The following CHD9 variants were observed in gnomAD, a reference collection of about 807,000 sequenced individuals.
CHD9 encodes the protein chromodomain helicase DNA binding protein 9.
In CHD9, 77 loss-of-function variants were observed where a neutral mutation model predicts 316.1. The ratio of observed to expected loss-of-function variants is 0.24; its 90% CI spans 0.20 to 0.29. The LOEUF is 0.29. CHD9 is among the 10% of genes least tolerant of loss of function. CHD9 has a pLI of 1.00. For missense variants in CHD9, 2,763 were observed against 3,438.1 expected (o/e 0.80, Z 4.91); for synonymous variants, 1,129 against 1,158.3 (o/e 0.97, Z 0.51).
intron 2 of CHD9, among the ~76,000 whole-genome samples, chr16:53,190,906 C>A (rs909038241): frequency 6.6e-6 from 1 of 152,044 alleles, no homozygotes; most frequent in Non-Finnish European, 1.5e-5. Flanking sequence ...AATCCTGTTA[C>A]ATATGTCCAC....
In CHD9 at chr16:53,080,442, G is replaced by A. The variant is rs115882707; in HGVS notation, c.-165+25365G>A. ...AGGAGTGTCACTCTACACCTCCAAG[G>A]GGGAGACAGTGTTTGTCTAAACACA... On this transcript the variant is annotated intron_variant, in intron 1 of 38. Coordinates refer to ENST00000447540, the MANE Select transcript of CHD9 (RefSeq NM_001308319.2). Among the ~76,000 whole-genome samples the A allele has an allele frequency of 6.1e-3, 931 of 152,246 alleles. 12 individuals are homozygous for A. Among genetic ancestry groups the A allele is most frequent in the African/African-American group, 0.021 (872 of 41,550 alleles).
intron 17 of CHD9, among the ~76,000 whole-genome samples, chr16:53,253,072 C>T (rs2152972869): frequency 6.6e-6 from 1 of 152,172 alleles, no homozygotes; most frequent in East Asian, 1.9e-4. Flanking sequence ...GAAAATAAGT[C>T]ATTATTCGAA....
chr16:53,149,793 C>T (rs888753625), intron 1 of CHD9, among the ~76,000 whole-genome samples: 1 of 132,104 alleles, frequency 7.6e-6, no homozygotes, highest in Non-Finnish European at 1.7e-5. Flanking sequence ...CTCCTGGCCT[C>T]AAGCAGTACT....
intron 1 of CHD9, among the ~76,000 whole-genome samples, chr16:53,148,040 C>A (rs893670544): frequency 1.1e-4 from 17 of 151,734 alleles, no homozygotes; most frequent in African/African-American, 3.1e-4. Flanking sequence ...CCTGTGTCTA[C>A]TAAAAATAAA....
intron 1 of CHD9, among the ~76,000 whole-genome samples, chr16:53,112,257 A>G (rs758066933): frequency 6.6e-6 from 1 of 152,202 alleles, no homozygotes; most frequent in Non-Finnish European, 1.5e-5. Flanking sequence ...TGTTGCCCTA[A>G]TCTTAACTGA....
At chr16:53,081,799 G>T (rs1161854351) in intron 1 of CHD9, among the ~76,000 whole-genome samples, 1 of 151,844 alleles carries the variant, frequency 6.6e-6, no homozygotes, top group Non-Finnish European at 1.5e-5. Context: ...TCACTATGTT[G>T]CCCAGGCTGG....
chr16:53,080,269 C>A (rs552977060), intron 1 of CHD9, among the ~76,000 whole-genome samples: 1 of 152,176 alleles, frequency 6.6e-6, no homozygotes, highest in Non-Finnish European at 1.5e-5. Context: ...TTTTATTAAC[C>A]ACTTTTTCTG....
chr16:53,110,565 A>C (rs568943008), intron 1 of CHD9, among the ~76,000 whole-genome samples: 1 of 152,250 alleles, frequency 6.6e-6, no homozygotes, highest in Non-Finnish European at 1.5e-5. Context: ...GTTTGCAACC[A>C]GCCTGGCCAA....
intron 1 of CHD9, among the ~76,000 whole-genome samples, chr16:53,080,225 A>G (rs1056415883): frequency 6.6e-6 from 1 of 152,166 alleles, no homozygotes; most frequent in Non-Finnish European, 1.5e-5. Flanking sequence ...AGATCTTAGG[A>G]GACATATTTT....
intron 8 of CHD9, 49 bp downstream of exon 8, chr16:53,229,149 G>T: frequency 1.1e-6 from 1 of 875,802 alleles, no homozygotes; most frequent in Non-Finnish European, 1.7e-6. Context: ...CTGAATACAT[G>T]TAGCATTATT....
At chr16:53,242,206 C>T (rs912737524) in intron 12 of CHD9, among the ~76,000 whole-genome samples, 1 of 152,182 alleles carries the variant, frequency 6.6e-6, no homozygotes, top group African/African-American at 2.4e-5. Context: ...CACCTCCAAC[C>T]TTATACTTCT....
chr16:53,195,393 T>G (rs1320277479), intron 2 of CHD9, among the ~76,000 whole-genome samples: 2 of 152,336 alleles, frequency 1.3e-5, no homozygotes, highest in Non-Finnish European at 2.9e-5. Context: ...TACCACATAT[T>G]TAGTCTGGCT....
intron 2 of CHD9, among the ~76,000 whole-genome samples, chr16:53,172,283 T>C (rs895154354): frequency 1.3e-5 from 2 of 152,232 alleles, no homozygotes; most frequent in African/African-American, 4.8e-5. Context: ...ATGGATTCAA[T>C]AGTATGTACA....
In CHD9 at chr16:53,274,170, A is replaced by G. The variant is rs752816512; in HGVS notation, c.4878-43A>G. ...ACCCCATGTCCGAATATTTTAAACG[A>G]TGAATGTCTTTATGCCTTTGATTTA... On this transcript the variant is annotated intron_variant, in intron 23 of 38. Coordinates refer to ENST00000447540, the MANE Select transcript of CHD9 (RefSeq NM_001308319.2). 5 of 1,225,300 alleles carry G rather than the reference A, an allele frequency of 4.1e-6. No homozygotes were observed. The East Asian group carries it at 1.2e-4, about 29-fold the overall frequency. The allele number at this position is 1,225,300 out of a possible 1,614,324, so 75.9% of individuals were successfully genotyped here. A position where few individuals can be genotyped will look rare whatever the true frequency, so the allele number is the denominator to read the frequency against.
intron 1 of CHD9, among the ~76,000 whole-genome samples, chr16:53,076,298 G>T (rs2034517825): frequency 6.6e-6 from 1 of 151,974 alleles, no homozygotes; most frequent in African/African-American, 2.4e-5. Context: ...AATTAGGCTG[G>T]GTGTGATGGC....
intron 36 of CHD9, among the ~76,000 whole-genome samples, chr16:53,316,646 T>C (rs2056902931): frequency 6.6e-6 from 1 of 152,180 alleles, no homozygotes; most frequent in Non-Finnish European, 1.5e-5. Flanking sequence ...AAAAATCACC[T>C]TACATTAATG....
At chr16:53,122,097 A>G (rs773401594) in intron 1 of CHD9, 8 of 152,030 alleles carry the variant, frequency 5.3e-5, no homozygotes, top group Non-Finnish European at 1.2e-4. Context: ...GTACTTATTG[A>G]TCAGTGAAAG....
intron 33 of CHD9, among the ~76,000 whole-genome samples, chr16:53,308,476 T>C (rs546079012): frequency 1.3e-5 from 2 of 152,304 alleles, no homozygotes; most frequent in South Asian, 4.1e-4. Flanking sequence ...AGTACTTGTA[T>C]TTTTTTCATT....
chr16:53,099,631 G>A (rs935483310), intron 1 of CHD9, among the ~76,000 whole-genome samples: 4 of 152,106 alleles, frequency 2.6e-5, no homozygotes, highest in Non-Finnish European at 4.4e-5. Flanking sequence ...GAGGCAACCT[G>A]ACCTCTTCCT....
Sources: allele counts gnomAD v4.1 joint callset (sites outside exome capture counted in the v4.1 genomes callset), GRCh38; gene constraint gnomAD v4.1.1; transcripts MANE v1.5; gene names NCBI Gene and HGNC (gene_info 2026-07-23, HGNC 2026-07-21).